Variants in SHROOM3 observed in about 807,000 individuals in gnomAD.
SHROOM3 encodes shroom family member 3, also known as protein Shroom3.
SHROOM3 carries 47 observed loss-of-function variants against 138.6 expected under a neutral mutation model. The ratio of observed to expected loss-of-function variants is 0.34; its 90% CI spans 0.27 to 0.43. SHROOM3 has a LOEUF of 0.43. Among genes scored for constraint, SHROOM3 ranks in the 20% least tolerant of loss-of-function variants. The pLI is 1.00. For synonymous variants in SHROOM3, 1,062 were observed against 1,063.3 expected (o/e 1.00, Z 0.02); for missense variants, 2,491 against 2,596.5 (o/e 0.96, Z 0.88).
intron 1 of SHROOM3, among the ~76,000 whole-genome samples, chr4:76,513,427 C>G (rs1443743680): frequency 6.6e-6 from 1 of 152,006 alleles, no homozygotes; most frequent in Admixed American, 6.6e-5. Context: ...GATTCTCATG[C>G]CTCAGCCTCC....
intron 2 of SHROOM3, among the ~76,000 whole-genome samples, chr4:76,590,054 T>G (rs1734232693): frequency 6.6e-6 from 1 of 152,326 alleles, no homozygotes; most frequent in East Asian, 1.9e-4. Context: ...AACCTTTCCC[T>G]GAGCAGTTCT....
intron 1 of SHROOM3, among the ~76,000 whole-genome samples, chr4:76,515,213 TAAAA>T (rs67216189): frequency 0.019 from 2,161 of 113,022 alleles, 34 homozygotes; most frequent in African/African-American, 0.062. Context: ...AAACTCTGTC[TAAAA>T]AAAAAAAAAA....
At chr4:76,567,988 C>A (rs1356701330) in intron 2 of SHROOM3, among the ~76,000 whole-genome samples, 9 of 152,098 alleles carry the variant, frequency 5.9e-5, no homozygotes. Flanking sequence ...TGTCAGCATC[C>A]CCTGCAGAGT....
At chr4:76,442,158 A>G (rs544495479) in intron 1 of SHROOM3, among the ~76,000 whole-genome samples, 2 of 152,376 alleles carry the variant, frequency 1.3e-5, no homozygotes, top group African/African-American at 4.8e-5. Context: ...TTCTCTTAGC[A>G]AAATCTTTCT....
At chr4:76,682,223 G>A (rs530003736) in intron 2 of SHROOM3, among the ~76,000 whole-genome samples, 1 of 152,264 alleles carries the variant, frequency 6.6e-6, no homozygotes, top group Admixed American at 6.5e-5. Flanking sequence ...GAAAGATGAA[G>A]GTTACTGGAA....
chr4:76,592,442 A>G lies in SHROOM3; in HGVS notation c.323+36679A>G, dbSNP rs935935468. ...TCCATTTGCTTATTATTACCACTAC[A>G]TAGTCTAGGATTTAAGGATGGAATG... On this transcript the variant is annotated intron_variant, in intron 2 of 10. Transcript: ENST00000296043. 5.1e-4 allele frequency among the ~76,000 whole-genome samples: 77 copies of G among 152,308 alleles called. 1 individual carries two copies. Among genetic ancestry groups the G allele is most frequent in the African/African-American group, 1.8e-3 (74 of 41,560 alleles).
At chr4:76,731,090 C>T (rs1720866822) in intron 4 of SHROOM3, among the ~76,000 whole-genome samples, 155 bp downstream of exon 4, 1 of 152,172 alleles carries the variant, frequency 6.6e-6, no homozygotes, top group South Asian at 2.1e-4. Context: ...TCTTATAGTG[C>T]TTGACGTGTA....
intron 1 of SHROOM3, among the ~76,000 whole-genome samples, chr4:76,522,815 CT>C (rs1732593940): frequency 6.6e-6 from 1 of 151,812 alleles, no homozygotes; most frequent in African/African-American, 2.4e-5. Flanking sequence ...AAAGTAAATG[CT>C]TTAGTAAAAA....
chr4:76,694,354 T>C (rs1719660351), intron 2 of SHROOM3, among the ~76,000 whole-genome samples: 1 of 88,860 alleles, frequency 1.1e-5, no homozygotes, highest in Non-Finnish European at 2.0e-5. Flanking sequence ...CTCAGGCTAG[T>C]CTTTTTGTTT....
chr4:76,476,060 T>A (rs1490009948), intron 1 of SHROOM3, among the ~76,000 whole-genome samples: 1 of 152,238 alleles, frequency 6.6e-6, no homozygotes. Flanking sequence ...TATTTAAATC[T>A]GATGAACTGC....
At chr4:76,501,505 A>G (rs557385013) in intron 1 of SHROOM3, among the ~76,000 whole-genome samples, 15 of 152,192 alleles carry the variant, frequency 9.9e-5, no homozygotes, top group African/African-American at 3.6e-4. Context: ...GAGCTTTTAA[A>G]GTCCTTAGGA....
chr4:76,739,599 C>G lies in SHROOM3; in HGVS notation c.1426C>G (p.His476Asp). ...CTACCCGGTACCTTCCCTGGAGCCA[C>G]ACTTTGCCCAGGTGCCTCAGCCTTC... ...SIYPVPSLEP[H>D]FAQVPQPSVS... Residue 476 changes from histidine (H) to aspartate (D), a missense_variant, in exon 5 of 11, where the codon CAC becomes GAC. Physicochemically the swap from His to Asp is moderately conservative, Grantham distance 81. Transcript: ENST00000296043. 6.2e-7 allele frequency: 1 copy of G among 1,614,210 alleles called. No individual in the cohort carries two copies. Among genetic ancestry groups the G allele is most frequent in the Admixed American group, 1.7e-5 (1 of 60,030 alleles).
intron 10 of SHROOM3, among the ~76,000 whole-genome samples, chr4:76,775,321 G>GGGGT (rs112978260): frequency 2.0e-5 from 3 of 149,214 alleles, no homozygotes; most frequent in African/African-American, 4.9e-5. Flanking sequence ...TAGTCCATGG[G>GGGGT]GTGTGTGTGT....
chr4:76,494,159 A>T (rs1579192672), intron 1 of SHROOM3, among the ~76,000 whole-genome samples: 1 of 144,088 alleles, frequency 6.9e-6, no homozygotes, highest in Non-Finnish European at 1.5e-5. Context: ...CCCCAGATTG[A>T]TTTTTTTTTT....
rs887342029 is a variant in SHROOM3 at position 76,670,933 on chromosome 4, A to T, written c.324-39223A>T. Among the ~76,000 whole-genome samples the T allele has an allele frequency of 2.6e-5, 4 of 152,196 alleles. No homozygotes were observed. In the East Asian group the frequency reaches 7.7e-4, roughly 29 times the overall value. ...CTGCACCCCAGGCTGGGTGCAGAGT[A>T]AGACCCTGTTTCAAAAATAAATAAA... is the stretch of plus-strand genomic sequence containing the variant. On this transcript the variant is annotated intron_variant, in intron 2 of 10. Coordinates refer to ENST00000296043, the MANE Select transcript of SHROOM3 (RefSeq NM_020859.4).
At chr4:76,436,646 A>G (rs1389461546) in intron 1 of SHROOM3, among the ~76,000 whole-genome samples, 1 of 152,238 alleles carries the variant, frequency 6.6e-6, no homozygotes, top group Non-Finnish European at 1.5e-5. Flanking sequence ...ATTCTGGATA[A>G]TAGATTGCAT....
At chr4:76,589,422 G>T (rs1043692567) in intron 2 of SHROOM3, among the ~76,000 whole-genome samples, 1 of 151,068 alleles carries the variant, frequency 6.6e-6, no homozygotes, top group African/African-American at 2.4e-5. Context: ...AGCTGAGATT[G>T]TGCTATTGCA....
intron 1 of SHROOM3, among the ~76,000 whole-genome samples, chr4:76,553,595 A>G (rs570066800): frequency 1.3e-5 from 2 of 152,054 alleles, no homozygotes; most frequent in African/African-American, 4.8e-5. Flanking sequence ...GTTTCAAGCG[A>G]TTCTCCCACT....
At chr4:76,447,864 T>C (rs1407264580) in intron 1 of SHROOM3, among the ~76,000 whole-genome samples, 1 of 152,108 alleles carries the variant, frequency 6.6e-6, no homozygotes, top group Non-Finnish European at 1.5e-5. Flanking sequence ...CCCCTACATA[T>C]GTAAGTCAAT....
Sources: gnomAD v4.1 joint callset for allele counts (sites outside exome capture counted in the v4.1 genomes callset) on GRCh38, gnomAD v4.1.1 for gene constraint, MANE v1.5 for transcripts, NCBI Gene and HGNC (gene_info 2026-07-23, HGNC 2026-07-21) for gene names.